The following DAB1 variants were observed in gnomAD, a reference collection of about 807,000 sequenced individuals.
The protein encoded by DAB1 is DAB adaptor protein 1.
Under a neutral mutation model 64.6 loss-of-function variants are expected in DAB1, and 15 were observed. That is an observed-to-expected ratio of 0.23 (90% CI 0.16 to 0.36). The LOEUF (loss-of-function observed/expected upper bound fraction) is 0.36, where lower values mean the gene tolerates loss of function less well. DAB1 is among the 10% of genes least tolerant of loss of function. The pLI, the probability that DAB1 is intolerant of heterozygous loss-of-function variation, is 1.00. For synonymous variants in DAB1, 235 were observed against 251.9 expected, an observed-to-expected ratio of 0.93 and a Z score of 0.64; for missense variants, 596 against 706.7, an observed-to-expected ratio of 0.84 and a Z score of 1.78.
intron 1 of DAB1, among the ~76,000 whole-genome samples, chr1:57,323,761 G>A (rs555366981): frequency 1.1e-3 from 160 of 152,148 alleles, no homozygotes; most frequent in African/African-American, 3.6e-3. Flanking sequence ...TTGAAGCACA[G>A]ACTCCGGTAA....
rs770232976 is a variant in DAB1, at chr1:58,137,206, T to C, written n.387+13305A>G. 7.9e-5 allele frequency among the ~76,000 whole-genome samples: 12 copies of C among 152,358 alleles called. No homozygotes were observed. The South Asian group carries it at 8.3e-4, about 11-fold the overall frequency. On this transcript the variant is annotated intron_variant and non_coding_transcript_variant, in intron 5 of 20. Coordinates refer to the DAB1 transcript ENST00000485760. Reference sequence around the variant, plus strand: ...ATAGAATTACAAGACTAAAATCTTATAGGATGTCATATAAATCATCTTATC... The same window carrying C: ...ATAGAATTACAAGACTAAAATCTTACAGGATGTCATATAAATCATCTTATC...
intron 6 of DAB1, among the ~76,000 whole-genome samples, chr1:57,668,190 T>G (rs1360052964): frequency 6.6e-6 from 1 of 152,128 alleles, no homozygotes; most frequent in East Asian, 1.9e-4. Context: ...ACATTTCACT[T>G]TAACCACTAC....
chr1:57,496,076 T>C (rs1019384403), intron 7 of DAB1, among the ~76,000 whole-genome samples: 1 of 152,216 alleles, frequency 6.6e-6, no homozygotes. Context: ...TTTCTCTCTT[T>C]AGTAAGAATT....
intron 5 of DAB1, among the ~76,000 whole-genome samples, chr1:57,964,294 T>TCCA (rs1645598615): frequency 6.6e-6 from 1 of 152,212 alleles, no homozygotes; most frequent in Non-Finnish European, 1.5e-5. Context: ...TCCAACAATG[T>TCCA]ATTGCTGTAT....
intron 4 of DAB1, among the ~76,000 whole-genome samples, chr1:58,192,069 A>G (rs1657416776): frequency 6.6e-6 from 1 of 152,242 alleles, no homozygotes; most frequent in South Asian, 2.1e-4. Context: ...TCAAAGGAAC[A>G]CAGCTAGGAA....
At chr1:58,111,510 A>G (rs1651962305) in intron 5 of DAB1, among the ~76,000 whole-genome samples, 1 of 152,220 alleles carries the variant, frequency 6.6e-6, no homozygotes, top group Non-Finnish European at 1.5e-5. Flanking sequence ...ATTTTTTAAT[A>G]AAGGGATTTG....
chr1:57,558,793 T>C lies in DAB1; in HGVS notation n.625+90799A>G, dbSNP rs536518960. The stretch of plus-strand genomic sequence containing the variant: ...TGAGATGGAAATACCTGATCTCCCT[T>C]AGTTTAATGTAGAGAAAGGGATCCA... On this transcript the variant is annotated intron_variant and non_coding_transcript_variant, in intron 7 of 20. Transcript: ENST00000485760. Among the ~76,000 whole-genome samples the C allele has an allele frequency of 3.7e-4, 57 of 152,312 alleles. No individual in the cohort carries two copies. The East Asian group carries it at 0.011, about 29-fold the overall frequency.
At chr1:57,679,910 CACTG>C (rs1436139880) in intron 6 of DAB1, among the ~76,000 whole-genome samples, 4 of 152,164 alleles carry the variant, frequency 2.6e-5, no homozygotes, top group African/African-American at 9.7e-5. Flanking sequence ...TTGGTACTGT[CACTG>C]GCTTTACTTT....
intron 5 of DAB1, among the ~76,000 whole-genome samples, chr1:58,119,475 C>A (rs1652605237): frequency 9.2e-5 from 14 of 152,152 alleles, no homozygotes; most frequent in Admixed American, 9.2e-4. Context: ...CTGTCTTTCT[C>A]AGAGCTGAAT....
intron 7 of DAB1, among the ~76,000 whole-genome samples, chr1:57,554,716 A>G (rs1190250407): frequency 6.6e-6 from 1 of 152,198 alleles, no homozygotes; most frequent in African/African-American, 2.4e-5. Context: ...TTTTTTCTCC[A>G]TTGACTTTCT....
intron 5 of DAB1, among the ~76,000 whole-genome samples, chr1:57,898,551 G>A (rs902641604): frequency 1.3e-5 from 2 of 152,120 alleles, no homozygotes; most frequent in African/African-American, 2.4e-5. Context: ...TACCAAATAC[G>A]GAAGACTTTG....
chr1:58,163,711 T>C (rs1469703451), intron 4 of DAB1, among the ~76,000 whole-genome samples: 1 of 152,104 alleles, frequency 6.6e-6, no homozygotes, highest in East Asian at 1.9e-4. Context: ...GAGATGCCCA[T>C]GCTCAAGTGT....
intron 9 of DAB1, among the ~76,000 whole-genome samples, chr1:57,031,488 C>T (rs533729340): frequency 6.6e-6 from 1 of 152,316 alleles, no homozygotes; most frequent in South Asian, 2.1e-4. Context: ...GTGTTTGATA[C>T]TCACTGAGCC....
At chr1:57,102,741 C>T (rs550294662) in intron 4 of DAB1, among the ~76,000 whole-genome samples, 5 of 152,202 alleles carry the variant, frequency 3.3e-5, no homozygotes, top group African/African-American at 7.2e-5. Flanking sequence ...TTTTCTTTCT[C>T]CTGTTTTAAA....
At chr1:58,371,379 G>C (rs1644262895) in intron 3 of DAB1, among the ~76,000 whole-genome samples, 1 of 152,190 alleles carries the variant, frequency 6.6e-6, no homozygotes, top group Non-Finnish European at 1.5e-5. Context: ...ATGTGGCCTG[G>C]GTGCTCTTAA....
intron 9 of DAB1, among the ~76,000 whole-genome samples, chr1:57,048,444 C>T (rs1206997356): frequency 6.6e-6 from 1 of 152,196 alleles, no homozygotes; most frequent in Non-Finnish European, 1.5e-5. Flanking sequence ...CATGTTCTTT[C>T]TGTAGTTTTA....
At chr1:57,984,244 G>T (rs950214344) in intron 5 of DAB1, among the ~76,000 whole-genome samples, 2 of 142,152 alleles carry the variant, frequency 1.4e-5, no homozygotes, top group African/African-American at 5.2e-5. Context: ...AAGAAAGAAA[G>T]AAAGAAAGAA....
At chr1:58,052,350 G>T (rs1199223705) in intron 5 of DAB1, among the ~76,000 whole-genome samples, 2 of 152,138 alleles carry the variant, frequency 1.3e-5, no homozygotes, top group Non-Finnish European at 2.9e-5. Context: ...AGATCAGATG[G>T]TTGTAGATGT....
intron 1 of DAB1, among the ~76,000 whole-genome samples, chr1:57,315,793 C>T (rs141527091): frequency 0.01 from 1,570 of 152,264 alleles, 28 homozygotes; most frequent in African/African-American, 0.037. Flanking sequence ...TGAGCCACCG[C>T]GCCCGGCCAC....
Sources: allele counts gnomAD v4.1 joint callset (sites outside exome capture counted in the v4.1 genomes callset), GRCh38; gene constraint gnomAD v4.1.1; transcripts MANE v1.5; gene names NCBI Gene and HGNC (gene_info 2026-07-23, HGNC 2026-07-21).